ADAMTS16: variants seen among roughly 807,000 people sequenced by gnomAD.
ADAMTS16 encodes the protein A disintegrin and metalloproteinase with thrombospondin motifs 16.
Under a neutral mutation model 145.8 loss-of-function variants are expected in ADAMTS16, and 94 were observed. The ratio of observed to expected loss-of-function variants is 0.64; its 90% confidence interval spans 0.55 to 0.77. The LOEUF (loss-of-function observed/expected upper bound fraction) is 0.77. Among genes scored for constraint, ADAMTS16 ranks in the 30% least tolerant of loss-of-function variants. The pLI is 0.00. For synonymous variants in ADAMTS16, 659 were observed against 604.3 expected, an observed-to-expected ratio of 1.09 and a Z score of -1.33; for missense variants, 1,585 against 1,591.5, an observed-to-expected ratio of 1.00 and a Z score of 0.07.
chr5:5,166,234 C>T (rs114711149), intron 3 of ADAMTS16, among the ~76,000 whole-genome samples: 2,022 of 150,340 alleles, frequency 0.013, 49 homozygotes, highest in African/African-American at 0.047. Context: ...CCCCCTGCCC[C>T]ACTCACCATC....
intron 18 of ADAMTS16, among the ~76,000 whole-genome samples, chr5:5,271,937 TG>T (rs1738493447): frequency 6.6e-6 from 1 of 152,212 alleles, no homozygotes; most frequent in African/African-American, 2.4e-5. Context: ...TCCGTAGCTC[TG>T]CCTGCTGGTT....
intron 10 of ADAMTS16, among the ~76,000 whole-genome samples, chr5:5,212,891 A>G (rs901465022): frequency 6.6e-6 from 1 of 152,102 alleles, no homozygotes; most frequent in African/African-American, 2.4e-5. Context: ...CTTTTAGATT[A>G]AACTATTTTT....
chr5:5,191,696 A>T lies in ADAMTS16; in HGVS notation c.1219A>T (p.Ile407Leu), dbSNP rs751226959. The T allele has an allele frequency of 2.9e-5, 47 of 1,613,290 alleles. No homozygotes were observed. The highest frequency in any genetic ancestry group is 3.8e-5 in the Non-Finnish European group (45 of 1,179,478). The change falls in exon 8 of 23, where the codon ATA (isoleucine) becomes TTA (leucine). Residue 407 changes from isoleucine (I) to leucine (L), a missense_variant. Transcript: ENST00000274181. ...TTTGTCCTTCACAGGATTTGCACCC[A>T]TAAGTGGAATGTGTAGTAAATATCG... ...EPCDTLGFAP[I>L]SGMCSKYRSC...
At chr5:5,204,039 G>T (rs1736025327) in intron 9 of ADAMTS16, among the ~76,000 whole-genome samples, 1 of 152,128 alleles carries the variant, frequency 6.6e-6, no homozygotes, top group South Asian at 2.1e-4. Context: ...TCTCTGCAGT[G>T]CCAGGGTGAC....
At chr5:5,158,197 A>T (rs1201931742) in intron 3 of ADAMTS16, among the ~76,000 whole-genome samples, 1 of 152,172 alleles carries the variant, frequency 6.6e-6, no homozygotes, top group African/African-American at 2.4e-5. Context: ...TTACCAGTTT[A>T]GCATTTACCC....
chr5:5,206,019 T>C (rs550966296), intron 9 of ADAMTS16, among the ~76,000 whole-genome samples: 11 of 152,354 alleles, frequency 7.2e-5, no homozygotes, highest in Admixed American at 6.5e-4. Flanking sequence ...AAAGCCATTG[T>C]CATATCCAAG....
At position 5,303,605 on chromosome 5, in the gene ADAMTS16, C is replaced by G; in HGVS notation, c.3025C>G (p.Arg1009Gly). The G allele has an allele frequency of 6.2e-7, 1 of 1,614,120 alleles. No homozygotes were observed. The highest frequency in any genetic ancestry group is 2.2e-5 in the East Asian group (1 of 44,864). Residue 1009 changes from arginine to glycine, a missense_variant, in exon 20 of 23, where the codon CGG becomes GGG. By Grantham distance (125) the Arg-to-Gly change is moderately radical (BLOSUM62 -2). Around this residue, in one of 3 missense-constraint regions of ADAMTS16, gnomAD observed 834 missense variants for 811.7 expected, o/e 1.03. Transcript: ENST00000274181. ...SHTCGKGWRKRAVACKSTNPS... is the reference protein window; with the variant it reads ...SHTCGKGWRKGAVACKSTNPS... ...CACCTGTGGGAAGGGGTGGAGGAAGCGGGCAGTGGCCTGTAAGAGCACCAA... is the reference window on the plus strand; with the variant it reads ...CACCTGTGGGAAGGGGTGGAGGAAGGGGGCAGTGGCCTGTAAGAGCACCAA...
chr5:5,249,211 T>C (rs1737546047), intron 17 of ADAMTS16, among the ~76,000 whole-genome samples: 1 of 152,134 alleles, frequency 6.6e-6, no homozygotes. Flanking sequence ...TACATGTGTA[T>C]TGTCATAAAA....
At chr5:5,287,061 C>G (rs1005881636) in intron 18 of ADAMTS16, among the ~76,000 whole-genome samples, 2 of 152,048 alleles carry the variant, frequency 1.3e-5, no homozygotes, top group Non-Finnish European at 2.9e-5. Context: ...CAGGAGGTTA[C>G]ATAAATATTG....
chr5:5,272,360 A>ATTT lies in ADAMTS16; in HGVS notation c.2789+9594_2789+9596dup, dbSNP rs11444357. Reference sequence around the variant, plus strand: ...TGTTGCTGATATGAAATTCCAAAGGATTTTTTTTTTTTTTTTTTTGAGATG... The same window carrying ATTT: ...TGTTGCTGATATGAAATTCCAAAGGATTTTTTTTTTTTTTTTTTTTTTGAGATG... On this transcript the variant is annotated intron_variant, in intron 18 of 22. Transcript: ENST00000274181. Among the ~76,000 whole-genome samples, 272 of 122,498 alleles carry ATTT rather than the reference A, an allele frequency of 2.2e-3. 5 individuals are homozygous for ATTT. Among genetic ancestry groups the ATTT allele is most frequent in the East Asian group, 9.7e-3 (40 of 4,122 alleles). 80.4% of individuals were successfully genotyped at this position (122,498 alleles called of 152,430 possible). A position where few individuals can be genotyped will look rare whatever the true frequency, so the allele number is the denominator to read the frequency against.
At chr5:5,289,463 T>C (rs1387043481) in intron 18 of ADAMTS16, among the ~76,000 whole-genome samples, 1 of 152,212 alleles carries the variant, frequency 6.6e-6, no homozygotes, top group Admixed American at 6.5e-5. Flanking sequence ...ATTGTTAACA[T>C]TCCCAACAAT....
chr5:5,169,089 A>G (rs554626595), intron 3 of ADAMTS16, among the ~76,000 whole-genome samples: 2 of 152,114 alleles, frequency 1.3e-5, no homozygotes, highest in African/African-American at 2.4e-5. Context: ...ACTCAGGTTG[A>G]TGGCTTAATC....
chr5:5,273,076 T>C (rs1295232643), intron 18 of ADAMTS16, among the ~76,000 whole-genome samples: 1 of 152,064 alleles, frequency 6.6e-6, no homozygotes, highest in African/African-American at 2.4e-5. Flanking sequence ...CCCAGTGGGG[T>C]GGACACGGGA....
chr5:5,204,918 A>G (rs907930823), intron 9 of ADAMTS16, among the ~76,000 whole-genome samples: 23 of 152,188 alleles, frequency 1.5e-4, no homozygotes, highest in Non-Finnish European at 2.6e-4. Context: ...ATCCTTCCCA[A>G]CACTTGGTCA....
chr5:5,196,044 G>A (rs1311299207), intron 8 of ADAMTS16, among the ~76,000 whole-genome samples: 1 of 151,956 alleles, frequency 6.6e-6, no homozygotes, highest in African/African-American at 2.4e-5. Flanking sequence ...TGGCCAAGAT[G>A]GCGAAACCCC....
intron 9 of ADAMTS16, among the ~76,000 whole-genome samples, chr5:5,207,086 T>C (rs1248355566): frequency 6.6e-6 from 1 of 152,210 alleles, no homozygotes; most frequent in Non-Finnish European, 1.5e-5. Context: ...ATCCTCAAAA[T>C]AACTTCCTTT....
intron 11 of ADAMTS16, among the ~76,000 whole-genome samples, chr5:5,229,025 G>A (rs1023382232): frequency 5.9e-5 from 9 of 152,258 alleles, no homozygotes; most frequent in Non-Finnish European, 1.0e-4. Context: ...TTGGCCGGGC[G>A]CGGTGGCTCA....
Position 5,269,499 on chromosome 5 carries a change from C to A in ADAMTS16, c.2789+6716C>A. Among the ~76,000 whole-genome samples, 1 of 152,126 alleles carries A rather than the reference C, an allele frequency of 6.6e-6. No individual in the cohort carries two copies. Among genetic ancestry groups the A allele is most frequent in the South Asian group, 2.1e-4 (1 of 4,814 alleles). ...ACCTGCAATCTCCTCCATCTCCCTG[C>A]CCCACACTCTCCACCTGGGACCTCA... On this transcript the variant is annotated intron_variant, in intron 18 of 22. Transcript: ENST00000274181. This position sits in a 1 kb window ranked among gnomAD's most constrained non-coding sequence, Gnocchi z 4.3.
chr5:5,209,359 C>G, intron 10 of ADAMTS16, 113 bp downstream of exon 10: 1 of 1,306,578 alleles, frequency 7.7e-7, no homozygotes, highest in Non-Finnish European at 1.1e-6. Context: ...AATGTCAAAT[C>G]CTGTATGTTA....
Sources: gnomAD v4.1 joint callset for allele counts (sites outside exome capture counted in the v4.1 genomes callset) on GRCh38, gnomAD v4.1.1 for gene constraint, gnomAD v4.1.1 regional missense constraint, Gnocchi (gnomAD v3.1) non-coding constraint, MANE v1.5 for transcripts, NCBI Gene and HGNC (gene_info 2026-07-23, HGNC 2026-07-21) for gene names.